The following BCKDHB variants were observed in gnomAD, a reference collection of about 807,000 sequenced individuals.
BCKDHB encodes branched chain keto acid dehydrogenase E1 subunit beta, also known as 2-oxoisovalerate dehydrogenase subunit beta, mitochondrial.
A neutral mutation model predicts 48.5 loss-of-function variants in BCKDHB; 41 were observed. The observed-to-expected ratio is 0.85, with a 90% CI of 0.66 to 1.10. The LOEUF (loss-of-function observed/expected upper bound fraction) is 1.10. Among genes scored for constraint, BCKDHB ranks in the 50% least tolerant of loss-of-function variants. BCKDHB has a pLI of 0.00. For synonymous variants in BCKDHB, 201 were observed against 174.8 expected, an observed-to-expected ratio of 1.15 and a Z score of -1.18; for missense variants, 496 against 494.2, an observed-to-expected ratio of 1.00 and a Z score of -0.03.
the BCKDHB span, among the ~76,000 whole-genome samples, chr6:80,393,012 C>T: frequency 6.6e-6 from 1 of 151,834 alleles, no homozygotes; most frequent in Non-Finnish European, 1.5e-5. Context: ...TATTGACTCT[C>T]TAATACATGT....
chr6:80,378,143 C>G, the BCKDHB span, among the ~76,000 whole-genome samples: 2 of 152,126 alleles, frequency 1.3e-5, no homozygotes, highest in Admixed American at 1.3e-4. Flanking sequence ...TTGTTTGTTA[C>G]ATGGGTACTA....
chr6:80,126,378 G>A (rs767708737), intron 1 of BCKDHB, among the ~76,000 whole-genome samples: 2 of 152,130 alleles, frequency 1.3e-5, no homozygotes, highest in Non-Finnish European at 2.9e-5. Flanking sequence ...AAGAAAATGG[G>A]TCTCCAGGAA....
intron 4 of BCKDHB, 76 bp from the exon 5 acceptor site, chr6:80,168,799 G>GAGGGAGGGAGGA: frequency 1.4e-6 from 2 of 1,474,036 alleles, no homozygotes; most frequent in Middle Eastern, 3.5e-4. Flanking sequence ...GGAAGGGAGG[G>GAGGGAGGGAGGA]AGGGAGGAAG....
chr6:80,370,842 G>T, the BCKDHB span, among the ~76,000 whole-genome samples: 1 of 151,378 alleles, frequency 6.6e-6, no homozygotes, highest in Admixed American at 6.6e-5. Context: ...GTGTGTGTTT[G>T]TGTGTGTGTA....
intron 9 of BCKDHB, among the ~76,000 whole-genome samples, chr6:80,297,228 T>A (rs1562211790): frequency 6.6e-6 from 1 of 152,204 alleles, no homozygotes; most frequent in African/African-American, 2.4e-5. Context: ...GACCCTAAAC[T>A]ACTTAGAAAA....
At chr6:80,384,235 G>A in the BCKDHB span, among the ~76,000 whole-genome samples, 1 of 152,018 alleles carries the variant, frequency 6.6e-6, no homozygotes, top group Admixed American at 6.6e-5. Flanking sequence ...TATAAAGCAG[G>A]AAAAAACATG....
At chr6:80,231,117 T>G (rs1362806534) in intron 8 of BCKDHB, among the ~76,000 whole-genome samples, 5 of 152,072 alleles carry the variant, frequency 3.3e-5, no homozygotes, top group Non-Finnish European at 5.9e-5. Context: ...ATGGCAAGAG[T>G]GCTATTTCAA....
intron 3 of BCKDHB, among the ~76,000 whole-genome samples, chr6:80,164,211 T>A (rs146781878): frequency 6.6e-6 from 1 of 152,282 alleles, no homozygotes; most frequent in East Asian, 1.9e-4. Flanking sequence ...ACCCATTCCA[T>A]CCTGTAACTC....
rs988016159 is a variant in BCKDHB, at chr6:80,169,722, A to T, written c.633+692A>T. On this transcript the variant is annotated intron_variant, in intron 5 of 9. Coordinates refer to ENST00000320393, the MANE Select transcript of BCKDHB (RefSeq NM_183050.4). ...GAAACCCATAGATGTGTGAATCCAGAGATGTATATTTGTTTTTTGACCACA... is the reference window on the plus strand; with the variant it reads ...GAAACCCATAGATGTGTGAATCCAGTGATGTATATTTGTTTTTTGACCACA... 1.4e-5 allele frequency: 17 copies of T among 1,226,850 alleles called. No homozygotes were observed. The African/African-American group carries it at 2.6e-4, about 19-fold the overall frequency. 76.0% of individuals were successfully genotyped at this position (1,226,850 alleles called of 1,614,324 possible).
chr6:80,262,305 C>A (rs1025384074), intron 8 of BCKDHB, among the ~76,000 whole-genome samples: 3 of 152,062 alleles, frequency 2.0e-5, no homozygotes, highest in Non-Finnish European at 4.4e-5. Context: ...TAGTATGATG[C>A]CCTGGCTCTA....
At chr6:80,352,576 G>A in the BCKDHB span, among the ~76,000 whole-genome samples, 1 of 152,076 alleles carries the variant, frequency 6.6e-6, no homozygotes, top group Non-Finnish European at 1.5e-5. Context: ...GCAACCAAAA[G>A]CATTCTAATT....
At chr6:80,187,326 A>G (rs1482737597) in intron 6 of BCKDHB, among the ~76,000 whole-genome samples, 1 of 152,188 alleles carries the variant, frequency 6.6e-6, no homozygotes, top group Non-Finnish European at 1.5e-5. Flanking sequence ...TGTTGCTATT[A>G]TTATCATATA....
chr6:80,246,843 A>G (rs537468712), intron 8 of BCKDHB, among the ~76,000 whole-genome samples: 2 of 152,220 alleles, frequency 1.3e-5, no homozygotes, highest in South Asian at 4.1e-4. Context: ...ACACTTGCAC[A>G]CACACATACA....
chr6:80,113,943 A>T (rs1769548957), intron 1 of BCKDHB, among the ~76,000 whole-genome samples: 1 of 152,172 alleles, frequency 6.6e-6, no homozygotes, highest in African/African-American at 2.4e-5. Flanking sequence ...GAAGTTACAA[A>T]GTTATACTCC....
rs1349845308 is a variant in BCKDHB, at chr6:80,169,004, T to C, written c.607T>C (p.Phe203Leu). ...ALYHSQSPEAFFAHCPGIKVV... is the reference protein window; with the variant it reads ...ALYHSQSPEALFAHCPGIKVV... ...CTATCATTCTCAGAGTCCTGAAGCA[T>C]TTTTTGCCCATTGCCCAGGAATCAA... The change falls in exon 5 of 10, where the codon TTT becomes CTT. Residue 203 changes from phenylalanine to leucine, a missense_variant. Phe to Leu is a conservative substitution (Grantham distance 22). Transcript: ENST00000320393. The C allele has an allele frequency of 6.2e-7, 1 of 1,613,982 alleles. No homozygotes were observed. Among genetic ancestry groups the C allele is most frequent in the Non-Finnish European group, 8.5e-7 (1 of 1,179,962 alleles).
rs1415925449 is a variant in BCKDHB at position 80,322,257 on chromosome 6, G to GTTA, written c.1039-21406_1039-21405insTAT. Among the ~76,000 whole-genome samples the GTTA allele has an allele frequency of 9.6e-3, 235 of 24,566 alleles. 2 individuals are homozygous for GTTA. Among genetic ancestry groups the GTTA allele is most frequent in the Non-Finnish European group, 0.014 (159 of 11,156 alleles). The allele number at this position is 24,566 out of a possible 152,430, so 16.1% of individuals were successfully genotyped here. ...TCTTTTCTTTTTTTTTTTTTTTTTG[G>GTTA]TGACGGAGTCGCACTTTGTTGCCCA... On this transcript the variant is annotated intron_variant, in intron 9 of 9. Coordinates refer to ENST00000320393, the MANE Select transcript of BCKDHB (RefSeq NM_183050.4).
At chr6:80,203,384 G>A (rs1422590401) in intron 8 of BCKDHB, among the ~76,000 whole-genome samples, 172 bp downstream of exon 8, 1 of 152,086 alleles carries the variant, frequency 6.6e-6, no homozygotes, top group Non-Finnish European at 1.5e-5. Flanking sequence ...TCATGCTCAA[G>A]GAAACAAATC....
intron 9 of BCKDHB, among the ~76,000 whole-genome samples, chr6:80,319,784 C>A (rs1768621595): frequency 6.6e-6 from 1 of 152,088 alleles, no homozygotes; most frequent in African/African-American, 2.4e-5. Context: ...TTTGATTTTT[C>A]TCTCTGATTA....
At chr6:80,295,426 CTCATGATACTTACTCACTA>C (rs1465072368) in intron 9 of BCKDHB, among the ~76,000 whole-genome samples, 1 of 151,902 alleles carries the variant, frequency 6.6e-6, no homozygotes, top group Non-Finnish European at 1.5e-5. Context: ...ACCGTCAGAT[CTCATGATACTTACTCACTA>C]TCACAGAACA....
Sources: allele counts gnomAD v4.1 joint callset (sites outside exome capture counted in the v4.1 genomes callset), GRCh38; gene constraint gnomAD v4.1.1; transcripts MANE v1.5; gene names NCBI Gene and HGNC (gene_info 2026-07-23, HGNC 2026-07-21).